The following IFT80 variants were observed in gnomAD, a reference collection of about 807,000 sequenced individuals.
The protein encoded by IFT80 is intraflagellar transport 80.
Under a neutral mutation model 107.9 loss-of-function variants are expected in IFT80, and 79 were observed. The observed-to-expected ratio is 0.73, with a 90% CI of 0.61 to 0.88. The LOEUF is 0.88. Among genes scored for constraint, IFT80 ranks in the 40% least tolerant of loss-of-function variants. The probability of loss-of-function intolerance (pLI) is 0.00; values close to 1 mark genes in which losing one functional copy is unlikely to be tolerated. For missense variants in IFT80, 797 were observed against 914.2 expected (o/e 0.87, Z 1.65); for synonymous variants, 299 against 300.9 (o/e 0.99, Z 0.07).
At chr3:160,368,213 C>G (rs1721999539) in intron 5 of IFT80, among the ~76,000 whole-genome samples, 1 of 151,764 alleles carries the variant, frequency 6.6e-6, no homozygotes, top group East Asian at 1.9e-4. Context: ...CAATGTCTTA[C>G]TGAATAAATT....
intron 2 of IFT80, among the ~76,000 whole-genome samples, 154 bp from the exon 3 acceptor site, chr3:160,381,878 T>C (rs1228476223): frequency 2.6e-5 from 4 of 152,128 alleles, no homozygotes; most frequent in Non-Finnish European, 5.9e-5. Flanking sequence ...TTTTTTTCTA[T>C]ATAAAAGAAA....
chr3:160,399,213 T>A lies in IFT80; in HGVS notation c.-114A>T, dbSNP rs1006683353. The A allele has an allele frequency of 1.3e-5, 2 of 152,194 alleles. No individual in the cohort carries two copies. The highest frequency in any genetic ancestry group is 2.9e-5 in the Non-Finnish European group (2 of 68,046). The allele number at this position is 152,194 out of a possible 1,614,324, so 9.4% of individuals were successfully genotyped here. Reference sequence around the variant, plus strand: ...GGTACCTCCCCGTCACCATAGTGACTTCTAAGAGTTACGCTCCCTTCCTCT... The same window carrying A: ...GGTACCTCCCCGTCACCATAGTGACATCTAAGAGTTACGCTCCCTTCCTCT... On this transcript the variant is annotated 5_prime_UTR_variant, in exon 1 of 20. It adds an upstream start codon to the 5' untranslated region. Transcript: ENST00000326448.
chr3:160,362,058 A>G (rs1174474323), intron 6 of IFT80, among the ~76,000 whole-genome samples: 2 of 152,200 alleles, frequency 1.3e-5, no homozygotes, highest in Non-Finnish European at 2.9e-5. Context: ...GAGACACAAA[A>G]AACTCTTCAA....
intron 4 of IFT80, among the ~76,000 whole-genome samples, chr3:160,377,032 C>T (rs1200519416): frequency 1.3e-5 from 2 of 152,136 alleles, no homozygotes; most frequent in Non-Finnish European, 1.5e-5. Context: ...AAGTCACTAA[C>T]TATTAAGAGT....
At chr3:160,305,989 C>T (rs1021158927) in intron 10 of IFT80, among the ~76,000 whole-genome samples, 2 of 152,108 alleles carry the variant, frequency 1.3e-5, no homozygotes, top group Admixed American at 6.5e-5. Context: ...ATCTAAAATG[C>T]TAGTAGATTT....
chr3:160,390,933 T>C (rs1713336117), intron 1 of IFT80, among the ~76,000 whole-genome samples: 1 of 152,228 alleles, frequency 6.6e-6, no homozygotes, highest in South Asian at 2.1e-4. Context: ...AGCACCTCTC[T>C]GTAAGAAATG....
intron 9 of IFT80, among the ~76,000 whole-genome samples, chr3:160,313,801 G>T (rs569555415): frequency 2.6e-5 from 4 of 152,050 alleles, no homozygotes; most frequent in African/African-American, 9.6e-5. Context: ...AGTAGAGACG[G>T]GGTTTCACTA....
chr3:160,279,537 A>G (rs1262672192), intron 15 of IFT80, among the ~76,000 whole-genome samples, 173 bp from the exon 16 acceptor site: 1 of 152,242 alleles, frequency 6.6e-6, no homozygotes, highest in African/African-American at 2.4e-5. Flanking sequence ...AAAAATTTCA[A>G]TGTATTTATT....
chr3:160,354,453 T>A (rs188210120), intron 8 of IFT80, among the ~76,000 whole-genome samples: 3 of 151,902 alleles, frequency 2.0e-5, no homozygotes, highest in East Asian at 1.9e-4. Flanking sequence ...ATCGAGACCA[T>A]CCTGGCTAAC....
intron 5 of IFT80, among the ~76,000 whole-genome samples, chr3:160,374,932 T>C (rs577210039): frequency 6.6e-6 from 1 of 152,306 alleles, no homozygotes; most frequent in East Asian, 1.9e-4. Context: ...AAAGAAATAC[T>C]ACTTAGTATT....
Position 160,300,875 on chromosome 3 carries a change from A to G in IFT80, c.1315+8T>C, listed in dbSNP as rs765339125. ...ATTTGACAGGAAAAATTATAAAAAT[A>G]TACTTACTTTTTTCATCAGCTTTGT... On this transcript the variant is annotated splice_region_variant and intron_variant, in intron 12 of 19. Transcript: ENST00000326448. 24 of 1,587,178 alleles carry G rather than the reference A, an allele frequency of 1.5e-5. No individual in the cohort carries two copies. Among genetic ancestry groups the G allele is most frequent in the Non-Finnish European group, 1.6e-5 (19 of 1,165,800 alleles).
At chr3:160,297,003 T>C (rs1031070572) in intron 12 of IFT80, among the ~76,000 whole-genome samples, 1 of 152,192 alleles carries the variant, frequency 6.6e-6, no homozygotes, top group African/African-American at 2.4e-5. Context: ...TACTTTCCCC[T>C]GTATCATTTA....
chr3:160,277,704 A>G (rs751596611), intron 16 of IFT80, 34 bp from the exon 17 acceptor site: 3 of 1,374,352 alleles, frequency 2.2e-6, no homozygotes, highest in South Asian at 1.2e-5. Context: ...TATCTTAACT[A>G]TGTGACTGAA....
intron 9 of IFT80, among the ~76,000 whole-genome samples, chr3:160,312,472 T>C (rs1217514361): frequency 6.9e-6 from 1 of 145,396 alleles, no homozygotes; most frequent in African/African-American, 2.6e-5. Flanking sequence ...TTTCCTTGCC[T>C]GCTTCTGGAC....
At chr3:160,360,408 T>C (rs914564824) in intron 6 of IFT80, among the ~76,000 whole-genome samples, 1 of 152,050 alleles carries the variant, frequency 6.6e-6, no homozygotes, top group Non-Finnish European at 1.5e-5. Flanking sequence ...ATAGGGAGAA[T>C]GGAACGAAGT....
intron 2 of IFT80, chr3:160,383,650 A>G (rs1484849007): frequency 1.0e-6 from 1 of 983,048 alleles, no homozygotes; most frequent in Non-Finnish European, 1.2e-6. Context: ...TCTTTCACAG[A>G]CCTGCAATAA....
Position 160,277,418 on chromosome 3 carries a change from C to A in IFT80, c.1987G>T (p.Ala663Ser). The change falls in exon 18 of 20, where the codon GCC becomes TCC. Residue 663 changes from alanine to serine, a missense_variant. Transcript: ENST00000326448. Reference protein sequence around the residue: ...KNLPSKESKMAHILLFSGNIQ... With the variant: ...KNLPSKESKMSHILLFSGNIQ... The stretch of plus-strand genomic sequence containing the variant: ...TTCCCACTAAACAGTAGTATGTGGG[C>A]CATTTTTGATTCTTTAGATGGAAGA... The A allele has an allele frequency of 6.2e-7, 1 of 1,611,242 alleles. No individual in the cohort carries two copies. Among genetic ancestry groups the A allele is most frequent in the African/African-American group, 1.3e-5 (1 of 74,904 alleles).
intron 6 of IFT80, among the ~76,000 whole-genome samples, chr3:160,361,326 C>T (rs1721474522): frequency 6.6e-6 from 1 of 152,196 alleles, no homozygotes; most frequent in African/African-American, 2.4e-5. Context: ...GAAGAGCTAA[C>T]TATCCTAAAT....
chr3:160,364,452 C>G (rs1721717622), intron 6 of IFT80, among the ~76,000 whole-genome samples: 2 of 152,224 alleles, frequency 1.3e-5, no homozygotes, highest in African/African-American at 4.8e-5. Flanking sequence ...GGCAATTCCT[C>G]AAGGATGTAG....
Sources: allele counts gnomAD v4.1 joint callset (sites outside exome capture counted in the v4.1 genomes callset), GRCh38; gene constraint gnomAD v4.1.1; transcripts MANE v1.5; gene names NCBI Gene and HGNC (gene_info 2026-07-23, HGNC 2026-07-21).